DLGAP2: variants seen among roughly 807,000 people sequenced by gnomAD.
DLGAP2 encodes disks large-associated protein 2.
DLGAP2 carries 26 observed loss-of-function variants against 100.3 expected under a neutral mutation model. The observed-to-expected ratio is 0.26, with a 90% CI of 0.19 to 0.36. The LOEUF (loss-of-function observed/expected upper bound fraction) is 0.36, where lower values mean the gene tolerates loss of function less well. Ranked by LOEUF, DLGAP2 falls within the 10% of genes least tolerant of loss-of-function variation. The pLI is 1.00. For synonymous variants in DLGAP2, 886 were observed against 630.1 expected, an observed-to-expected ratio of 1.41 and a Z score of -6.08; for missense variants, 1,858 against 1,453.2, an observed-to-expected ratio of 1.28 and a Z score of -4.53.
intron 1 of DLGAP2, among the ~76,000 whole-genome samples, chr8:789,991 C>G (rs1166704683): frequency 6.6e-6 from 1 of 152,196 alleles, no homozygotes; most frequent in African/African-American, 2.4e-5. Flanking sequence ...GATGCCGCCT[C>G]CCAGGATGGC....
chr8:1,220,500 G>T (rs757965732), intron 2 of DLGAP2, among the ~76,000 whole-genome samples: 7 of 152,128 alleles, frequency 4.6e-5, no homozygotes, highest in Non-Finnish European at 8.8e-5. Flanking sequence ...ATTTCAATTT[G>T]TTGAGAATGG....
chr8:1,652,804 T>C (rs1798197764), intron 8 of DLGAP2, among the ~76,000 whole-genome samples: 1 of 150,868 alleles, frequency 6.6e-6, no homozygotes, highest in Non-Finnish European at 1.5e-5. Flanking sequence ...TGAGACCAGC[T>C]GGCGAACCAA....
intron 1 of DLGAP2, among the ~76,000 whole-genome samples, chr8:866,293 T>TGTAGTGTCTTG (rs1209934513): frequency 2.0e-5 from 3 of 152,192 alleles, no homozygotes; most frequent in African/African-American, 7.2e-5. Flanking sequence ...GGGGCCCTGA[T>TGTAGTGTCTTG]TCCCCCTTCC....
At position 1,626,748 on chromosome 8, in the gene DLGAP2, A is replaced by T. The variant is rs757114007; in HGVS notation, c.1451A>T (p.Tyr484Phe). 1 of 1,601,474 alleles carries T rather than the reference A, an allele frequency of 6.2e-7. No individual in the cohort carries two copies. Among genetic ancestry groups the T allele is most frequent in the Admixed American group, 1.7e-5 (1 of 58,506 alleles). ...TTTCTTCTTTCCTGTAGCCAGACCTACCTGCAAGCTGCAAGCGATGTGCCT... is the reference window on the plus strand; with the variant it reads ...TTTCTTCTTTCCTGTAGCCAGACCTTCCTGCAAGCTGCAAGCGATGTGCCT... ...RPLGEHQTQTYLQAASDVPVG... is the reference protein window; with the variant it reads ...RPLGEHQTQTFLQAASDVPVG... The change falls in exon 7 of 15, where the codon TAC (tyrosine) becomes TTC (phenylalanine). Residue 484 changes from tyrosine to phenylalanine, a missense_variant. Tyr to Phe is a conservative substitution (Grantham distance 22). Coordinates refer to ENST00000637795, the MANE Select transcript of DLGAP2 (RefSeq NM_001346810.2).
In DLGAP2 at chr8:932,926, C is replaced by T. The variant is rs187937823; in HGVS notation, c.73+24960C>T. Reference sequence around the variant, plus strand: ...AAAACATAACTTCCCCCTTTCCCCTCGATCTTTCTGTAGCTTCTTAGACTG... The same window carrying T: ...AAAACATAACTTCCCCCTTTCCCCTTGATCTTTCTGTAGCTTCTTAGACTG... On this transcript the variant is annotated intron_variant, in intron 2 of 14. Coordinates refer to ENST00000637795, the MANE Select transcript of DLGAP2 (RefSeq NM_001346810.2). 6.0e-4 allele frequency among the ~76,000 whole-genome samples: 91 copies of T among 152,310 alleles called. No homozygotes were observed. The East Asian group carries it at 7.3e-3, about 12-fold the overall frequency.
intron 2 of DLGAP2, among the ~76,000 whole-genome samples, chr8:1,202,803 C>T (rs1042098484): frequency 2.6e-5 from 4 of 152,218 alleles, no homozygotes; most frequent in Non-Finnish European, 5.9e-5. Flanking sequence ...ATCACCCAAG[C>T]CACTGAACAC....
intron 4 of DLGAP2, among the ~76,000 whole-genome samples, chr8:1,529,512 G>A (rs1350335850): frequency 6.6e-6 from 1 of 152,172 alleles, no homozygotes. Flanking sequence ...ATCATATGCT[G>A]AGAAAAATTC....
intron 2 of DLGAP2, among the ~76,000 whole-genome samples, chr8:998,142 C>T (rs905369279): frequency 6.6e-6 from 1 of 152,158 alleles, no homozygotes; most frequent in Non-Finnish European, 1.5e-5. Flanking sequence ...TACACATGTG[C>T]ATACACAACA....
At chr8:1,485,851 C>A (rs558612943) in intron 3 of DLGAP2, among the ~76,000 whole-genome samples, 124 of 152,184 alleles carry the variant, frequency 8.1e-4, no homozygotes, top group Non-Finnish European at 9.1e-4. Context: ...ATGGCGAAAC[C>A]CCATCTCTAC....
At chr8:1,223,787 G>C (rs963877705) in intron 2 of DLGAP2, among the ~76,000 whole-genome samples, 1 of 152,114 alleles carries the variant, frequency 6.6e-6, no homozygotes, top group Non-Finnish European at 1.5e-5. Context: ...GGAATCTCAA[G>C]GATAAAAACA....
intron 2 of DLGAP2, among the ~76,000 whole-genome samples, chr8:1,165,053 G>A (rs1045911011): frequency 6.6e-6 from 1 of 151,978 alleles, no homozygotes; most frequent in Non-Finnish European, 1.5e-5. Context: ...CCTGGCTAAA[G>A]ATTCTCCTCC....
chr8:1,387,028 C>T (rs1796236532), intron 3 of DLGAP2, among the ~76,000 whole-genome samples: 2 of 152,042 alleles, frequency 1.3e-5, no homozygotes, highest in Non-Finnish European at 2.9e-5. Context: ...GTTAATTGGA[C>T]GTCATATTGG....
intron 3 of DLGAP2, among the ~76,000 whole-genome samples, chr8:1,355,206 CGCGTGCTGGCGTGACAGCGGTGACACCT>C (rs1277694160): frequency 6.6e-6 from 1 of 152,254 alleles, no homozygotes; most frequent in Non-Finnish European, 1.5e-5. Context: ...TGGTGGCACC[CGCGTGCTGGCGTGACAGCGGTGACACCT>C]GCGTGCCAGT....
intron 2 of DLGAP2, among the ~76,000 whole-genome samples, chr8:1,124,059 A>T (rs1334488021): frequency 6.6e-6 from 1 of 152,140 alleles, no homozygotes; most frequent in Non-Finnish European, 1.5e-5. Flanking sequence ...ATGCAGACCA[A>T]ACAGCACTGT....
intron 2 of DLGAP2, among the ~76,000 whole-genome samples, chr8:1,249,036 C>G (rs1231089063): frequency 6.6e-6 from 1 of 152,182 alleles, no homozygotes; most frequent in Non-Finnish European, 1.5e-5. Flanking sequence ...CTTTATGCTG[C>G]TGTGACATTG....
At chr8:1,038,560 T>C (rs909212188) in intron 2 of DLGAP2, among the ~76,000 whole-genome samples, 6 of 152,206 alleles carry the variant, frequency 3.9e-5, no homozygotes, top group Non-Finnish European at 5.9e-5. Flanking sequence ...ATATTAAACG[T>C]TAGGAGTAAT....
At chr8:1,443,760 C>T (rs1331545477) in intron 3 of DLGAP2, among the ~76,000 whole-genome samples, 4 of 152,048 alleles carry the variant, frequency 2.6e-5, no homozygotes, top group Non-Finnish European at 5.9e-5. Flanking sequence ...AAACTGCCCT[C>T]GTGATTCAAT....
At chr8:822,245 T>TCC in intron 1 of DLGAP2, 2 of 399,456 alleles carry the variant, frequency 5.0e-6, no homozygotes, top group Non-Finnish European at 8.8e-6. Flanking sequence ...TTGCGGTCCT[T>TCC]ACCCAGCATT....
intron 2 of DLGAP2, among the ~76,000 whole-genome samples, chr8:1,091,663 C>G (rs1322260329): frequency 6.6e-6 from 1 of 152,146 alleles, no homozygotes; most frequent in Non-Finnish European, 1.5e-5. Context: ...ATGCCGGATG[C>G]TATGGAGAGA....
Sources: gnomAD v4.1 joint callset for allele counts (sites outside exome capture counted in the v4.1 genomes callset) on GRCh38, gnomAD v4.1.1 for gene constraint, MANE v1.5 for transcripts, NCBI Gene and HGNC (gene_info 2026-07-23, HGNC 2026-07-21) for gene names.